CCDC112: variants seen among roughly 807,000 people sequenced by gnomAD.
CCDC112 encodes coiled-coil domain containing 112.
A neutral mutation model predicts 66.3 loss-of-function variants in CCDC112; 40 were observed. That is an observed-to-expected ratio of 0.60 (90% CI 0.47 to 0.79). The LOEUF (loss-of-function observed/expected upper bound fraction) is 0.79. Among genes scored for constraint, CCDC112 ranks in the 30% least tolerant of loss-of-function variants. The pLI is 0.00. For synonymous variants in CCDC112, 214 were observed against 197.2 expected, an observed-to-expected ratio of 1.09 and a Z score of -0.71; for missense variants, 659 against 603.8, an observed-to-expected ratio of 1.09 and a Z score of -0.96.
In CCDC112 at chr5:115,296,614, C is replaced by T. The variant is rs1750172657; in HGVS notation, c.-71G>A. ...GGGATTCGTGGCAGGCGCACCCTGG[C>T]CTCTGCAGACAGCTCCCTGCGCTGC... On this transcript the variant is annotated 5_prime_UTR_variant, in exon 1 of 10. Coordinates refer to ENST00000379611, the MANE Select transcript of CCDC112 (RefSeq NM_001040440.3). 4.3e-6 allele frequency: 6 copies of T among 1,379,854 alleles called. No homozygotes were observed. The highest frequency in any genetic ancestry group is 3.1e-5 in the African/African-American group (2 of 65,430). 85.5% of individuals were successfully genotyped at this position (1,379,854 alleles called of 1,614,324 possible).
chr5:115,287,947 C>T (rs1315586195), intron 1 of CCDC112, among the ~76,000 whole-genome samples: 1 of 151,960 alleles, frequency 6.6e-6, no homozygotes, highest in Non-Finnish European at 1.5e-5. Context: ...AATTTGCACA[C>T]AATTTTTAAC....
At chr5:115,295,990 T>C (rs1750137200) in intron 1 of CCDC112, 1 of 987,982 alleles carries the variant, frequency 1.0e-6, no homozygotes, top group Admixed American at 6.1e-5. Context: ...ATTGTCTTTC[T>C]CCTTGTGTTC....
intron 1 of CCDC112, chr5:115,296,049 T>TC (rs1750141045): frequency 1.0e-6 from 1 of 1,002,398 alleles, no homozygotes; most frequent in South Asian, 4.5e-5. Context: ...GAGCACAGAG[T>TC]CCCCCTCCAA....
At chr5:115,284,044 G>A (rs1749568232) in intron 2 of CCDC112, among the ~76,000 whole-genome samples, 1 of 151,900 alleles carries the variant, frequency 6.6e-6, no homozygotes, top group Non-Finnish European at 1.5e-5. Context: ...TGGTCATAAT[G>A]GGCAAAATGG....
Position 115,290,454 on chromosome 5 carries a change from T to G in CCDC112, c.118-5546A>C, listed in dbSNP as rs899570459. 3.9e-5 allele frequency among the ~76,000 whole-genome samples: 6 copies of G among 152,362 alleles called. 1 individual carries two copies. The highest frequency in any genetic ancestry group is 3.4e-3 in the Middle Eastern group (1 of 294). ...TCTTTTTCAAGATTGTTTTGGCTAT[T>G]TTGGGTGCCTTGCATTTTCCATATT... On this transcript the variant is annotated intron_variant, in intron 1 of 9. Transcript: ENST00000379611.
chr5:115,271,768 T>A, intron 6 of CCDC112, 142 bp from the exon 7 acceptor site: 1 of 577,114 alleles, frequency 1.7e-6, no homozygotes. Flanking sequence ...AGCTTTGTTT[T>A]AACCATTGCA....
intron 1 of CCDC112, among the ~76,000 whole-genome samples, chr5:115,290,206 T>C (rs1369019706): frequency 1.3e-5 from 2 of 152,268 alleles, no homozygotes; most frequent in African/African-American, 4.8e-5. Context: ...TGTAGGTGGT[T>C]ATTCAATTGT....
Position 115,279,711 on chromosome 5 carries a change from G to A in CCDC112, c.297C>T (p.Phe99=). 1 of 1,602,024 alleles carries A rather than the reference G, an allele frequency of 6.2e-7. No individual in the cohort carries two copies. The highest frequency in any genetic ancestry group is 2.2e-5 in the East Asian group (1 of 44,634). The part of the protein sequence containing the change: ...HSHFYNQKSD[F]RIEHSMLEEL... ...CTTCTAGCATACTATGCTCAATTCT[G>A]AAGTCACTTTTTTGGTTGTAGAAAT... Residue 99 remains phenylalanine (F), a synonymous_variant, in exon 3 of 10, where the codon TTC becomes TTT. Transcript: ENST00000379611.
At chr5:115,286,949 T>C (rs1749699752) in intron 1 of CCDC112, among the ~76,000 whole-genome samples, 1 of 152,130 alleles carries the variant, frequency 6.6e-6, no homozygotes, top group Admixed American at 6.5e-5. Flanking sequence ...GCCCTTTTAT[T>C]GTTGAGCTGG....
chr5:115,284,955 C>G, intron 1 of CCDC112, 47 bp from the exon 2 acceptor site: 2 of 1,544,628 alleles, frequency 1.3e-6, no homozygotes, highest in Non-Finnish European at 1.8e-6. Context: ...AATAGTAAGA[C>G]ATAAATGTGG....
chr5:115,293,456 T>G (rs1464911221), intron 1 of CCDC112, among the ~76,000 whole-genome samples: 1 of 152,172 alleles, frequency 6.6e-6, no homozygotes, highest in East Asian at 1.9e-4. Flanking sequence ...ATTTGTCAAT[T>G]AAAAATAATG....
At chr5:115,276,699 C>T (rs1166763931) in intron 4 of CCDC112, among the ~76,000 whole-genome samples, 2 of 152,184 alleles carry the variant, frequency 1.3e-5, no homozygotes, top group East Asian at 3.9e-4. Flanking sequence ...ATGTGTTCTG[C>T]CTACCTTATA....
At position 115,296,558 on chromosome 5, in the gene CCDC112, C is replaced by G. The variant is rs1404213871; in HGVS notation, c.-15G>C. The G allele has an allele frequency of 6.8e-7, 1 of 1,462,878 alleles. No individual in the cohort carries two copies. 90.6% of individuals were successfully genotyped at this position (1,462,878 alleles called of 1,614,324 possible). ...AGTGCGGCCATGTTTACCCGCCGAG[C>G]TACTCGGGCCGCGGCGGCCACCGGT... On this transcript the variant is annotated 5_prime_UTR_variant, in exon 1 of 10. Coordinates refer to ENST00000379611, the MANE Select transcript of CCDC112 (RefSeq NM_001040440.3).
intron 1 of CCDC112, among the ~76,000 whole-genome samples, chr5:115,290,316 C>G (rs1749867687): frequency 6.6e-6 from 1 of 152,188 alleles, no homozygotes; most frequent in Non-Finnish European, 1.5e-5. Context: ...TGTCTTGACT[C>G]TCATTGATCT....
chr5:115,289,897 G>A (rs543853967), intron 1 of CCDC112, among the ~76,000 whole-genome samples: 1 of 152,234 alleles, frequency 6.6e-6, no homozygotes, highest in South Asian at 2.1e-4. Context: ...TTGGCCAGCT[G>A]GTCTCAAACT....
chr5:115,283,637 G>C (rs1274389635), intron 2 of CCDC112, among the ~76,000 whole-genome samples: 1 of 152,040 alleles, frequency 6.6e-6, no homozygotes, highest in Non-Finnish European at 1.5e-5. Context: ...TGGGGGAAAA[G>C]ACAAAAGTAT....
chr5:115,292,485 T>C (rs563849210), intron 1 of CCDC112, among the ~76,000 whole-genome samples: 1 of 152,358 alleles, frequency 6.6e-6, no homozygotes, highest in South Asian at 2.1e-4. Context: ...GTATGTCCAA[T>C]AGCCAGTATT....
Position 115,275,295 on chromosome 5 carries a change from G to A in CCDC112, c.839C>T (p.Pro280Leu), listed in dbSNP as rs971645917. The A allele has an allele frequency of 3.7e-6, 6 of 1,613,664 alleles. No individual in the cohort carries two copies. The African/African-American group carries it at 5.3e-5, about 14-fold the overall frequency. The change falls in exon 6 of 10, where the codon CCT (proline) becomes CTT (leucine). Residue 280 changes from proline (P) to leucine (L), a missense_variant. Physicochemically the swap from Pro to Leu is moderately conservative, Grantham distance 98. Coordinates refer to ENST00000379611, the MANE Select transcript of CCDC112 (RefSeq NM_001040440.3). ...TTGAACTTCATCTTGTGTTTTTCCA[G>A]GAAGGTGTTCTAGAACTTCTTCCAT... The part of the protein sequence containing the change: ...TFMEEVLEHL[P>L]GKTQDEVQQH...
chr5:115,291,217 C>T (rs1749914526), intron 1 of CCDC112, among the ~76,000 whole-genome samples: 2 of 152,006 alleles, frequency 1.3e-5, no homozygotes, highest in South Asian at 4.1e-4. Context: ...TTGTCAATTG[C>T]TTTTCTGCTT....
Sources: gnomAD v4.1 joint callset for allele counts (sites outside exome capture counted in the v4.1 genomes callset) on GRCh38, gnomAD v4.1.1 for gene constraint, MANE v1.5 for transcripts, NCBI Gene and HGNC (gene_info 2026-07-23, HGNC 2026-07-21) for gene names.